Variants in GABRA2 observed in about 807,000 individuals in gnomAD.
GABRA2 encodes gamma-aminobutyric acid type A receptor subunit alpha2.
A neutral mutation model predicts 48.7 loss-of-function variants in GABRA2; 16 were observed. The observed-to-expected ratio is 0.33, with a 90% CI of 0.22 to 0.50. The LOEUF (loss-of-function observed/expected upper bound fraction) is 0.50. GABRA2 is among the 20% of genes least tolerant of loss of function. The pLI, the probability that GABRA2 is intolerant of heterozygous loss-of-function variation, is 0.98. For missense variants in GABRA2, 275 were observed against 535.6 expected (o/e 0.51, Z 4.80); for synonymous variants, 185 against 184.5 (o/e 1.00, Z -0.02).
intron 3 of GABRA2, among the ~76,000 whole-genome samples, chr4:46,379,204 G>A (rs13152740): frequency 0.23 from 34,900 of 152,064 alleles, 4,239 homozygotes; most frequent in Non-Finnish European, 0.26. Context: ...TAACATTACC[G>A]TGTTTCTAGT....
intron 1 of GABRA2, 57 bp from the exon 2 acceptor site, chr4:46,388,773 C>T: frequency 6.2e-7 from 1 of 1,611,516 alleles, no homozygotes. Context: ...TTCAGTTTCA[C>T]TATCCAAGTA....
chr4:46,327,934 G>A (rs986310093), intron 4 of GABRA2, among the ~76,000 whole-genome samples: 2 of 151,888 alleles, frequency 1.3e-5, no homozygotes, highest in Non-Finnish European at 2.9e-5. Flanking sequence ...CTCAGTCTAG[G>A]TTTAGGTTAA....
At position 46,323,404 on chromosome 4, in the gene GABRA2, CTT is replaced by C. The variant is rs3836615; in HGVS notation, c.255+9209_255+9210del. Among the ~76,000 whole-genome samples, 279 of 151,682 alleles carry C rather than the reference CTT, an allele frequency of 1.8e-3. 1 individual carries two copies. The highest frequency in any genetic ancestry group is 6.6e-3 in the African/African-American group (272 of 41,412). On this transcript the variant is annotated intron_variant, in intron 4 of 9. Coordinates refer to ENST00000381620, the MANE Select transcript of GABRA2 (RefSeq NM_000807.4). ...ATCCTCATTTGTTCTTCTCAGATAT[CTT>C]TTTTTTCCCTAAAAACCGTACCAAA...
At chr4:46,360,883 T>G (rs890542088) in intron 3 of GABRA2, among the ~76,000 whole-genome samples, 1 of 152,350 alleles carries the variant, frequency 6.6e-6, no homozygotes, top group East Asian at 1.9e-4. Flanking sequence ...TGTTATATTT[T>G]AGCAAAGACA....
At chr4:46,341,294 A>C (rs1372873332) in intron 3 of GABRA2, among the ~76,000 whole-genome samples, 9 of 151,798 alleles carry the variant, frequency 5.9e-5, no homozygotes, top group Non-Finnish European at 8.8e-5. Context: ...GTTTCTTTTC[A>C]TGGGTCATAG....
At position 46,385,498 on chromosome 4, in the gene GABRA2, C is replaced by T. The variant is rs766204588; in HGVS notation, c.187+576G>A. 2.5e-4 allele frequency among the ~76,000 whole-genome samples: 38 copies of T among 152,010 alleles called. No individual in the cohort carries two copies. The South Asian group carries it at 7.1e-3, about 28-fold the overall frequency. On this transcript the variant is annotated intron_variant, in intron 3 of 9. Transcript: ENST00000381620. ...TTAAATTTGAAATCAAACTGTGCCA[C>T]AATCCAAAACTTTAGACCTATGTCT...
Position 46,249,739 on chromosome 4 carries a change from A to T in GABRA2, c.*569T>A, listed in dbSNP as rs920460775. 6.6e-6 allele frequency: 1 copy of T among 151,508 alleles called. No individual in the cohort carries two copies. Among genetic ancestry groups the T allele is most frequent in the Non-Finnish European group, 1.5e-5 (1 of 67,720 alleles). 9.4% of individuals were successfully genotyped at this position (151,508 alleles called of 1,614,324 possible). ...TAATTATTTGAGCTTGTCATGCTGT[A>T]ATATGTACATGGCTATAGATACTAT... On this transcript the variant is annotated 3_prime_UTR_variant, in exon 10 of 10. Coordinates refer to ENST00000381620, the MANE Select transcript of GABRA2 (RefSeq NM_000807.4).
At chr4:46,387,281 C>T (rs138658965) in intron 2 of GABRA2, among the ~76,000 whole-genome samples, 1 of 152,166 alleles carries the variant, frequency 6.6e-6, no homozygotes, top group African/African-American at 2.4e-5. Context: ...ATGGATTGTC[C>T]ACTCTTTTAA....
chr4:46,306,445 A>G (rs971502016), intron 6 of GABRA2, among the ~76,000 whole-genome samples: 3 of 152,164 alleles, frequency 2.0e-5, no homozygotes, highest in African/African-American at 7.2e-5. Context: ...ATGACTTCAG[A>G]GATGGCATGC....
chr4:46,287,455 A>C (rs977373556), intron 8 of GABRA2, among the ~76,000 whole-genome samples: 11 of 151,850 alleles, frequency 7.2e-5, no homozygotes, highest in Non-Finnish European at 1.3e-4. Flanking sequence ...AGCCATAAAA[A>C]ATGATGAGTT....
intron 3 of GABRA2, among the ~76,000 whole-genome samples, chr4:46,337,421 A>G (rs1732447814): frequency 6.6e-6 from 1 of 152,092 alleles, no homozygotes; most frequent in African/African-American, 2.4e-5. Context: ...ATGAGGTTGT[A>G]AAGAAAGGCA....
rs199641318 is a variant in GABRA2, at chr4:46,388,631, C to G, written c.71+5G>C. 2 of 1,613,984 alleles carry G rather than the reference C, an allele frequency of 1.2e-6. No homozygotes were observed. Among genetic ancestry groups the G allele is most frequent in the Non-Finnish European group, 1.7e-6 (2 of 1,179,938 alleles). On this transcript the variant is annotated splice_donor_5th_base_variant and intron_variant, in intron 2 of 9. Coordinates refer to ENST00000381620, the MANE Select transcript of GABRA2 (RefSeq NM_000807.4). ...TAAAATAGTCAAATACAATAAATAT[C>G]TCACCTGGCAGGGTCCCACACCAAG...
In GABRA2 at chr4:46,245,054, G is replaced by A. The variant is rs534352933; in HGVS notation, c.*5254C>T. On this transcript the variant is annotated 3_prime_UTR_variant, in exon 10 of 10. Transcript: ENST00000381620. ...TTTTGTTTTTTTGTTTGTTTGTTTC[G>A]TTTACCTTTCCTATAATATATGTAA... is the stretch of plus-strand genomic sequence containing the variant. Among the ~76,000 whole-genome samples the A allele has an allele frequency of 1.8e-4, 27 of 150,638 alleles. No homozygotes were observed. Among genetic ancestry groups the A allele is most frequent in the African/African-American group, 1.2e-4 (5 of 41,124 alleles).
At chr4:46,272,306 T>G (rs1213825265) in intron 8 of GABRA2, among the ~76,000 whole-genome samples, 1 of 152,032 alleles carries the variant, frequency 6.6e-6, no homozygotes, top group Non-Finnish European at 1.5e-5. Context: ...ATGTGCTTAG[T>G]TGAGGGTAGT....
chr4:46,275,363 G>A (rs535364344), intron 8 of GABRA2, among the ~76,000 whole-genome samples: 1 of 152,180 alleles, frequency 6.6e-6, no homozygotes, highest in Admixed American at 6.5e-5. Context: ...CATTTGAGAG[G>A]TGATTTCCAA....
At chr4:46,341,501 C>T (rs2109856287) in intron 3 of GABRA2, among the ~76,000 whole-genome samples, 1 of 152,054 alleles carries the variant, frequency 6.6e-6, no homozygotes, top group South Asian at 2.1e-4. Context: ...TATTCTTTGT[C>T]TTTTGCAGCC....
At chr4:46,330,686 T>C (rs1435872291) in intron 4 of GABRA2, among the ~76,000 whole-genome samples, 4 of 151,566 alleles carry the variant, frequency 2.6e-5, no homozygotes, top group African/African-American at 9.7e-5. Flanking sequence ...TACTGAAATT[T>C]ACAACATGAA....
intron 8 of GABRA2, among the ~76,000 whole-genome samples, chr4:46,264,669 TG>T (rs1717741247): frequency 6.6e-6 from 1 of 151,998 alleles, no homozygotes; most frequent in Non-Finnish European, 1.5e-5. Flanking sequence ...TTCTCTAGTT[TG>T]GTATTGGTAT....
At chr4:46,362,437 G>T (rs1305924857) in intron 3 of GABRA2, among the ~76,000 whole-genome samples, 1 of 152,066 alleles carries the variant, frequency 6.6e-6, no homozygotes, top group South Asian at 2.1e-4. Context: ...TCTTTCTTTT[G>T]TGAATTGCCC....
Sources: gnomAD v4.1 joint callset for allele counts (sites outside exome capture counted in the v4.1 genomes callset) on GRCh38, gnomAD v4.1.1 for gene constraint, MANE v1.5 for transcripts, NCBI Gene and HGNC (gene_info 2026-07-23, HGNC 2026-07-21) for gene names.